SLAIN2: variants seen among roughly 807,000 people sequenced by gnomAD.
SLAIN2 encodes SLAIN motif-containing protein 2.
A neutral mutation model predicts 56.6 loss-of-function variants in SLAIN2; 31 were observed. That is an observed-to-expected ratio of 0.55 (90% CI 0.41 to 0.74). The LOEUF is 0.74. Among genes scored for constraint, SLAIN2 ranks in the 30% least tolerant of loss-of-function variants. SLAIN2 has a pLI of 0.00. For missense variants in SLAIN2, 777 were observed against 754.2 expected (o/e 1.03, Z -0.35); for synonymous variants, 317 against 284.9 (o/e 1.11, Z -1.13).
chr4:48,419,294 G>A (rs564576171), intron 6 of SLAIN2, among the ~76,000 whole-genome samples: 22 of 152,154 alleles, frequency 1.4e-4, no homozygotes, highest in Middle Eastern at 3.4e-3. Flanking sequence ...GTAGAGATGG[G>A]TTTTTCACCA....
At chr4:48,413,158 G>A (rs562552690) in intron 6 of SLAIN2, among the ~76,000 whole-genome samples, 1 of 152,076 alleles carries the variant, frequency 6.6e-6, no homozygotes, top group African/African-American at 2.4e-5. Context: ...AACCTGTGAG[G>A]CAGACGTTGC....
At chr4:48,403,078 G>A (rs973750113) in intron 6 of SLAIN2, among the ~76,000 whole-genome samples, 1 of 152,202 alleles carries the variant, frequency 6.6e-6, no homozygotes, top group Non-Finnish European at 1.5e-5. Flanking sequence ...ATGGCAGCCT[G>A]TCCCTTCCTC....
At chr4:48,343,453 T>A (rs2109728525) in intron 1 of SLAIN2, among the ~76,000 whole-genome samples, 1 of 152,338 alleles carries the variant, frequency 6.6e-6, no homozygotes, top group South Asian at 2.1e-4. Flanking sequence ...TAGGAGATTC[T>A]GGTGATTCTT....
In SLAIN2 at chr4:48,422,403, C is replaced by A; in HGVS notation, c.*326C>A. 1 of 214,190 alleles carries A rather than the reference C, an allele frequency of 4.7e-6. No individual in the cohort carries two copies. 13.3% of individuals were successfully genotyped at this position (214,190 alleles called of 1,614,324 possible). On this transcript the variant is annotated 3_prime_UTR_variant, in exon 8 of 8. Transcript: ENST00000264313. ...CCTAATGGATGCCAAAGAGAAATGC[C>A]CATTTGTAAATGAGAAAAATGCCCA...
At chr4:48,383,961 T>G in intron 6 of SLAIN2, 177 bp downstream of exon 6, 1 of 602,358 alleles carries the variant, frequency 1.7e-6, no homozygotes, top group East Asian at 2.9e-5. Context: ...TATTACAATT[T>G]AAAATTTTCT....
At chr4:48,346,947 T>TA (rs1386324012) in intron 1 of SLAIN2, among the ~76,000 whole-genome samples, 1 of 151,268 alleles carries the variant, frequency 6.6e-6, no homozygotes, top group Non-Finnish European at 1.5e-5. Flanking sequence ...GTGCTAGAAT[T>TA]ACAGGCATGA....
Position 48,412,321 on chromosome 4 carries a change from A to C in SLAIN2, c.1361-7804A>C, listed in dbSNP as rs528116372. ...AAACTTCCCCTACCAGGGTGGAGAT[A>C]TCTAATGAATCTTAATAGTTCCTGT... On this transcript the variant is annotated intron_variant, in intron 6 of 7. Transcript: ENST00000264313. 6.3e-4 allele frequency among the ~76,000 whole-genome samples: 95 copies of C among 151,118 alleles called. 3 individuals carry two copies. The highest frequency in any genetic ancestry group is 2.2e-3 in the African/African-American group (91 of 41,138).
intron 6 of SLAIN2, among the ~76,000 whole-genome samples, chr4:48,404,966 A>C (rs1422096289): frequency 6.6e-6 from 1 of 152,216 alleles, no homozygotes; most frequent in Non-Finnish European, 1.5e-5. Flanking sequence ...CCACTTATAC[A>C]TAAACTTTGT....
At position 48,404,422 on chromosome 4, in the gene SLAIN2, C is replaced by G. The variant is rs1382748850; in HGVS notation, c.1361-15703C>G. Among the ~76,000 whole-genome samples the G allele has an allele frequency of 3.4e-5, 5 of 145,614 alleles. No homozygotes were observed. In the East Asian group the frequency reaches 8.0e-4, roughly 23 times the overall value. ...AACAAGATACACTCATTATATCCTT[C>G]CTCTTTGCTTCTCTATTCTAGCCCC... On this transcript the variant is annotated intron_variant, in intron 6 of 7. Transcript: ENST00000264313.
In SLAIN2 at chr4:48,377,980, A is replaced by T. The variant is rs1450158771; in HGVS notation, c.623A>T (p.Tyr208Phe). The T allele has an allele frequency of 4.3e-6, 7 of 1,613,848 alleles. No individual in the cohort carries two copies. Among genetic ancestry groups the T allele is most frequent in the Non-Finnish European group, 5.9e-6 (7 of 1,179,882 alleles). ...TACAGTCCAAATGCCAGTAGCCCAT[A>T]CAGCAGTGGCTTCAATTCTCCATCC... ...SPYSPNASSP[Y>F]SSGFNSPSST... is the part of the protein sequence containing the mutation. The change falls in exon 3 of 8, where the codon TAC (tyrosine) becomes TTC (phenylalanine). Residue 208 changes from tyrosine to phenylalanine, a missense_variant. Coordinates refer to ENST00000264313, the MANE Select transcript of SLAIN2 (RefSeq NM_020846.2).
At chr4:48,398,977 G>A (rs1036933111) in intron 6 of SLAIN2, among the ~76,000 whole-genome samples, 3 of 152,040 alleles carry the variant, frequency 2.0e-5, no homozygotes, top group Admixed American at 6.6e-5. Flanking sequence ...TGGCTATTGG[G>A]GCTCTTTTTT....
intron 2 of SLAIN2, among the ~76,000 whole-genome samples, chr4:48,372,057 T>C (rs1715685727): frequency 6.7e-6 from 1 of 149,620 alleles, no homozygotes; most frequent in Admixed American, 6.6e-5. Flanking sequence ...TATACATATA[T>C]ATATATACAC....
chr4:48,408,584 A>G (rs1406664051), intron 6 of SLAIN2, among the ~76,000 whole-genome samples: 1 of 151,940 alleles, frequency 6.6e-6, no homozygotes, highest in African/African-American at 2.4e-5. Flanking sequence ...TAAAATTAAA[A>G]AACACTTGTA....
At chr4:48,397,478 C>T (rs1716431384) in intron 6 of SLAIN2, among the ~76,000 whole-genome samples, 1 of 152,080 alleles carries the variant, frequency 6.6e-6, no homozygotes, top group South Asian at 2.1e-4. Flanking sequence ...TTATAGAAGA[C>T]CTTAATGATA....
At chr4:48,394,099 G>T (rs1316012442) in intron 6 of SLAIN2, among the ~76,000 whole-genome samples, 1 of 152,222 alleles carries the variant, frequency 6.6e-6, no homozygotes, top group Non-Finnish European at 1.5e-5. Flanking sequence ...CCAAGGACCT[G>T]CTGGGTTCTG....
intron 6 of SLAIN2, among the ~76,000 whole-genome samples, chr4:48,404,937 A>G (rs1383876182): frequency 1.3e-5 from 2 of 152,076 alleles, no homozygotes; most frequent in Non-Finnish European, 2.9e-5. Context: ...ACCTCTTGAA[A>G]TCCTCTCTAG....
chr4:48,413,964 T>C (rs1297998169), intron 6 of SLAIN2, among the ~76,000 whole-genome samples: 2 of 152,154 alleles, frequency 1.3e-5, no homozygotes, highest in African/African-American at 2.4e-5. Context: ...GCCTGAATTA[T>C]AGAAACCTTA....
intron 6 of SLAIN2, among the ~76,000 whole-genome samples, chr4:48,418,696 T>G (rs1717064388): frequency 6.6e-6 from 1 of 152,234 alleles, no homozygotes; most frequent in Non-Finnish European, 1.5e-5. Flanking sequence ...TTTCCTATTT[T>G]GTGACGGAGA....
At chr4:48,371,063 T>G (rs1715649297) in intron 2 of SLAIN2, among the ~76,000 whole-genome samples, 1 of 152,146 alleles carries the variant, frequency 6.6e-6, no homozygotes, top group Non-Finnish European at 1.5e-5. Context: ...TTACTTTTCC[T>G]CTATGAAAAG....
Sources: allele counts gnomAD v4.1 joint callset (sites outside exome capture counted in the v4.1 genomes callset), GRCh38; gene constraint gnomAD v4.1.1; transcripts MANE v1.5; gene names NCBI Gene and HGNC (gene_info 2026-07-23, HGNC 2026-07-21).